PRDM11: variants seen among roughly 807,000 people sequenced by gnomAD.
PRDM11 encodes PR domain-containing protein 11.
In PRDM11, 20 loss-of-function variants were observed where a neutral mutation model predicts 97.8. That is an observed-to-expected ratio of 0.20 (90% CI 0.14 to 0.30). The LOEUF (loss-of-function observed/expected upper bound fraction) is 0.30, where lower values mean the gene tolerates loss of function less well. Ranked by LOEUF, PRDM11 falls within the 10% of genes least tolerant of loss-of-function variation. The probability of loss-of-function intolerance (pLI) is 1.00; values close to 1 mark genes in which losing one functional copy is unlikely to be tolerated. For synonymous variants in PRDM11, 599 were observed against 637.7 expected (o/e 0.94, Z 0.91); for missense variants, 1,139 against 1,555.2 (o/e 0.73, Z 4.50).
At chr11:45,096,161 G>A (rs998702029) in intron 1 of PRDM11, among the ~76,000 whole-genome samples, 3 of 152,082 alleles carry the variant, frequency 2.0e-5, no homozygotes, top group African/African-American at 7.2e-5. Context: ...TCTGACTTCT[G>A]CCAGTAAAAT....
chr11:45,143,648 C>T (rs1461650599), upstream of PRDM11, among the ~76,000 whole-genome samples: 1 of 152,168 alleles, frequency 6.6e-6, no homozygotes, highest in Non-Finnish European at 1.5e-5. Context: ...GTCAGGCAGA[C>T]CTATGTTTGA....
chr11:45,228,191 T>C lies in PRDM11; in HGVS notation c.*32T>C, dbSNP rs1590485348. 1.4e-6 allele frequency: 2 copies of C among 1,432,300 alleles called. No individual in the cohort carries two copies. Among genetic ancestry groups the C allele is most frequent in the East Asian group, 5.1e-5 (2 of 39,546 alleles). The allele number at this position is 1,432,300 out of a possible 1,614,324, so 88.7% of individuals were successfully genotyped here. A position where few individuals can be genotyped will look rare whatever the true frequency, so the allele number is the denominator to read the frequency against. On this transcript the variant is annotated 3_prime_UTR_variant, in exon 8 of 8. Transcript: ENST00000683152. Reference sequence around the variant, plus strand: ...GGCGCTGCAGAGTTCACTAAGCTGTTGAATATTTTTTTAATCTATACTCAT... The same window carrying C: ...GGCGCTGCAGAGTTCACTAAGCTGTCGAATATTTTTTTAATCTATACTCAT...
At chr11:45,111,489 C>T (rs1852179848) in intron 1 of PRDM11, among the ~76,000 whole-genome samples, 1 of 152,092 alleles carries the variant, frequency 6.6e-6, no homozygotes. Flanking sequence ...GTGGAATGGC[C>T]ATGTGAACAC....
chr11:45,234,232 G>A lies in PRDM11; in HGVS notation c.*6073G>A, dbSNP rs1356390752. On this transcript the variant is annotated 3_prime_UTR_variant, in exon 8 of 8. Transcript: ENST00000683152. ...CTCTGTTTTTTTCCTCCTGGAGGTA[G>A]GAGAGAGGGCCTGACCAGGCACCAG... 6.6e-6 allele frequency: 1 copy of A among 152,320 alleles called. No homozygotes were observed. Among genetic ancestry groups the A allele is most frequent in the Non-Finnish European group, 1.5e-5 (1 of 68,110 alleles). 9.4% of individuals were successfully genotyped at this position (152,320 alleles called of 1,614,324 possible). A position where few individuals can be genotyped will look rare whatever the true frequency, so the allele number is the denominator to read the frequency against.
chr11:45,119,619 C>CAAAAAAA (rs56367204), intron 1 of PRDM11, among the ~76,000 whole-genome samples: 2 of 43,048 alleles, frequency 4.6e-5, no homozygotes, highest in African/African-American at 1.3e-4. Context: ...GATTCTGTCT[C>CAAAAAAA]AAAAAAAAAA....
intron 1 of PRDM11, among the ~76,000 whole-genome samples, chr11:45,098,103 G>T (rs1004903297): frequency 3.3e-5 from 5 of 152,188 alleles, no homozygotes; most frequent in African/African-American, 1.2e-4. Flanking sequence ...GTGCCCTAGC[G>T]GCACCTTCAG....
chr11:45,171,834 TAC>T (rs1358702171), intron 1 of PRDM11, among the ~76,000 whole-genome samples: 4 of 152,346 alleles, frequency 2.6e-5, no homozygotes, highest in Middle Eastern at 3.4e-3. Context: ...CCGTGTCAGT[TAC>T]AGTTTCTGTC....
intron 4 of PRDM11, among the ~76,000 whole-genome samples, chr11:45,186,894 A>G (rs1430144430): frequency 3.3e-5 from 5 of 152,184 alleles, no homozygotes; most frequent in Non-Finnish European, 5.9e-5. Flanking sequence ...GTGTCCCTCC[A>G]CCATGTGAGG....
At chr11:45,122,228 C>G (rs1852449024) in intron 1 of PRDM11, among the ~76,000 whole-genome samples, 2 of 129,026 alleles carry the variant, frequency 1.6e-5, no homozygotes, top group Admixed American at 1.7e-4. Context: ...CACACACACA[C>G]ACACACACAG....
upstream of PRDM11, among the ~76,000 whole-genome samples, chr11:45,095,070 C>T (rs187939958): frequency 1.4e-3 from 218 of 152,242 alleles, no homozygotes; most frequent in African/African-American, 3.0e-3. Context: ...TGCTTAACAA[C>T]GCCCTTCCCC....
chr11:45,205,893 G>A (rs974489771), intron 5 of PRDM11, among the ~76,000 whole-genome samples: 4 of 152,138 alleles, frequency 2.6e-5, no homozygotes, highest in Non-Finnish European at 5.9e-5. Context: ...TATGGGTTAG[G>A]GAAGGTGTTC....
intron 1 of PRDM11, among the ~76,000 whole-genome samples, chr11:45,096,504 C>A (rs1590333410): frequency 6.6e-6 from 1 of 152,140 alleles, no homozygotes; most frequent in East Asian, 1.9e-4. Flanking sequence ...TGTGGGGGTG[C>A]AGGCAGGGTC....
At chr11:45,095,916 C>T in intron 1 of PRDM11, 1 of 780,596 alleles carries the variant, frequency 1.3e-6, no homozygotes, top group Non-Finnish European at 2.4e-6. Flanking sequence ...GTTGTTTAAG[C>T]TGCTAATGTG....
At position 45,148,537 on chromosome 11, in the gene PRDM11, G is replaced by A. The variant is rs115904759; in HGVS notation, c.-7+1660G>A. 7.1e-3 allele frequency among the ~76,000 whole-genome samples: 1,076 copies of A among 152,274 alleles called. 15 individuals carry two copies. The highest frequency in any genetic ancestry group is 0.025 in the African/African-American group (1,031 of 41,566). ...ACAGGGCCCCAAGGAACAGCTGGTG[G>A]CAGGGTCTCGTTTCCTTCCCTGGTG... On this transcript the variant is annotated intron_variant, in intron 1 of 7. Coordinates refer to ENST00000683152, the MANE Select transcript of PRDM11 (RefSeq NM_001384648.1).
intron 1 of PRDM11, among the ~76,000 whole-genome samples, chr11:45,148,373 C>T (rs889352284): frequency 6.6e-6 from 1 of 152,170 alleles, no homozygotes; most frequent in East Asian, 1.9e-4. Flanking sequence ...AATGAGATAG[C>T]AAAGATGAAA....
At chr11:45,200,474 T>C (rs1298743247) in intron 4 of PRDM11, among the ~76,000 whole-genome samples, 1 of 152,236 alleles carries the variant, frequency 6.6e-6, no homozygotes, top group Non-Finnish European at 1.5e-5. Context: ...TATCCAATTT[T>C]ATAGATAAGG....
At chr11:45,213,441 G>A (rs1853846626) in intron 5 of PRDM11, 2 of 449,338 alleles carry the variant, frequency 4.5e-6, no homozygotes, top group African/African-American at 2.0e-5. Flanking sequence ...AGGCCCTGAT[G>A]CTGCTTCTTT....
intron 1 of PRDM11, among the ~76,000 whole-genome samples, chr11:45,119,546 C>T (rs1369570426): frequency 7.4e-6 from 1 of 134,832 alleles, no homozygotes; most frequent in Admixed American, 8.5e-5. Context: ...AGGAGAATTG[C>T]GTGAACCCCA....
upstream of PRDM11, among the ~76,000 whole-genome samples, chr11:45,142,287 C>CTAGTG (rs1010544533): frequency 2.8e-4 from 42 of 152,208 alleles, no homozygotes; most frequent in African/African-American, 9.9e-4. Context: ...TCTTGCCACA[C>CTAGTG]TGCACCCTGG....
Sources: allele counts gnomAD v4.1 joint callset (sites outside exome capture counted in the v4.1 genomes callset), GRCh38; gene constraint gnomAD v4.1.1; transcripts MANE v1.5; gene names NCBI Gene and HGNC (gene_info 2026-07-23, HGNC 2026-07-21).